Variants in SV2C observed in about 807,000 individuals in gnomAD.
SV2C encodes solute carrier family 22 member B3.
A neutral mutation model predicts 79.7 loss-of-function variants in SV2C; 49 were observed. The ratio of observed to expected loss-of-function variants is 0.61; its 90% CI spans 0.49 to 0.78. The LOEUF is 0.78. Among genes scored for constraint, SV2C ranks in the 30% least tolerant of loss-of-function variants. SV2C has a pLI of 0.00. For missense variants in SV2C, 833 were observed against 912.9 expected, an observed-to-expected ratio of 0.91 and a Z score of 1.13; for synonymous variants, 334 against 333.2, an observed-to-expected ratio of 1.00 and a Z score of -0.03.
chr5:76,116,541 C>T (rs1748273763), intron 1 of SV2C, among the ~76,000 whole-genome samples: 1 of 152,154 alleles, frequency 6.6e-6, no homozygotes, highest in Admixed American at 6.5e-5. Context: ...CAGGTCCTGG[C>T]TTTGTTTCTC....
the SV2C span, among the ~76,000 whole-genome samples, chr5:76,021,321 G>A: frequency 3.3e-5 from 5 of 152,178 alleles, no homozygotes; most frequent in Non-Finnish European, 7.3e-5. Context: ...AAACTTGAAT[G>A]TGTGCATTAT....
At chr5:76,073,540 T>TAA in the SV2C span, among the ~76,000 whole-genome samples, 9 of 120,280 alleles carry the variant, frequency 7.5e-5, no homozygotes, top group African/African-American at 3.0e-4. Flanking sequence ...TATATATATA[T>TAA]ATATACACCA....
chr5:75,911,130 G>A, the SV2C span: 1,414 of 1,563,186 alleles, frequency 9.0e-4, 28 homozygotes, highest in East Asian at 0.028. Flanking sequence ...TAGAAGATGA[G>A]GAAATAGAGA....
the SV2C span, among the ~76,000 whole-genome samples, chr5:76,056,455 T>C: frequency 6.6e-6 from 1 of 152,008 alleles, no homozygotes; most frequent in Non-Finnish European, 1.5e-5. Flanking sequence ...GAAGTTTTCT[T>C]TTTTGGTTGC....
intron 9 of SV2C, among the ~76,000 whole-genome samples, chr5:76,296,853 A>T (rs1490600828): frequency 6.6e-6 from 1 of 152,220 alleles, no homozygotes; most frequent in African/African-American, 2.4e-5. Flanking sequence ...ACTAATCATC[A>T]TCCAAGCCAA....
chr5:76,156,184 C>G (rs188873149), intron 2 of SV2C, among the ~76,000 whole-genome samples: 4 of 152,018 alleles, frequency 2.6e-5, no homozygotes, highest in Admixed American at 2.0e-4. Context: ...CAACATATAC[C>G]CATAGCAATC....
At chr5:75,853,586 C>G in the SV2C span, among the ~76,000 whole-genome samples, 19,665 of 54,438 alleles carry the variant, frequency 0.36, 2,592 homozygotes, top group East Asian at 0.51. Context: ...ACAGCCTGGG[C>G]AGCAGAGCAA....
At chr5:75,867,471 G>A in the SV2C span, among the ~76,000 whole-genome samples, 2 of 152,162 alleles carry the variant, frequency 1.3e-5, no homozygotes, top group African/African-American at 4.8e-5. Context: ...GAAAGGAGAA[G>A]GGGAAGAATC....
chr5:76,137,839 G>C (rs1749120016), intron 2 of SV2C, among the ~76,000 whole-genome samples: 1 of 152,152 alleles, frequency 6.6e-6, no homozygotes, highest in South Asian at 2.1e-4. Flanking sequence ...GTGGGAGTGG[G>C]GAGGAGGGTT....
chr5:75,997,368 C>T, the SV2C span, among the ~76,000 whole-genome samples: 43 of 150,680 alleles, frequency 2.9e-4, no homozygotes, highest in African/African-American at 7.0e-4. Context: ...AGAGCTTCTG[C>T]GCAGCAAAAA....
intron 12 of SV2C, among the ~76,000 whole-genome samples, chr5:76,349,381 C>T (rs772233389): frequency 6.6e-6 from 1 of 152,076 alleles, no homozygotes; most frequent in African/African-American, 2.4e-5. Flanking sequence ...GGCATGGTGA[C>T]GCGCACCTGT....
the SV2C span, among the ~76,000 whole-genome samples, chr5:76,013,977 T>C: frequency 6.6e-6 from 1 of 152,060 alleles, no homozygotes; most frequent in African/African-American, 2.4e-5. Flanking sequence ...CATATTTTAG[T>C]TATAGAGGCT....
At chr5:76,243,013 A>T (rs1432154568) in intron 4 of SV2C, among the ~76,000 whole-genome samples, 1 of 8,748 alleles carries the variant, frequency 1.1e-4, no homozygotes, top group Non-Finnish European at 1.8e-4. Flanking sequence ...GACCCCATCT[A>T]AAAAAAAAAA....
chr5:75,942,141 G>T, the SV2C span, among the ~76,000 whole-genome samples: 1 of 152,222 alleles, frequency 6.6e-6, no homozygotes, highest in Non-Finnish European at 1.5e-5. Context: ...TTATCCATGT[G>T]CTGGGAGGGT....
chr5:75,907,245 G>A, the SV2C span, among the ~76,000 whole-genome samples: 1 of 152,182 alleles, frequency 6.6e-6, no homozygotes, highest in African/African-American at 2.4e-5. Flanking sequence ...TTTAAGGACA[G>A]GTGGAGGAGC....
the SV2C span, among the ~76,000 whole-genome samples, chr5:75,854,093 C>T: frequency 6.6e-6 from 1 of 151,152 alleles, no homozygotes; most frequent in Non-Finnish European, 1.5e-5. Flanking sequence ...GTTTGATTCT[C>T]CTTTTAAAAA....
the SV2C span, among the ~76,000 whole-genome samples, chr5:76,024,091 AT>A: frequency 6.6e-6 from 1 of 152,064 alleles, no homozygotes; most frequent in Non-Finnish European, 1.5e-5. Context: ...GATTCAGGTT[AT>A]TTTCTGTTTT....
chr5:75,933,944 A>G, the SV2C span, among the ~76,000 whole-genome samples: 1 of 152,250 alleles, frequency 6.6e-6, no homozygotes, highest in Non-Finnish European at 1.5e-5. Context: ...CCTGTAAAAC[A>G]GGATCAAGAT....
chr5:75,955,093 C>T, the SV2C span, among the ~76,000 whole-genome samples: 1 of 147,302 alleles, frequency 6.8e-6, no homozygotes, highest in East Asian at 2.0e-4. Flanking sequence ...CCAAGTCAAT[C>T]CTAAGCCAAA....
Sources: gnomAD v4.1 joint callset for allele counts (sites outside exome capture counted in the v4.1 genomes callset) on GRCh38, gnomAD v4.1.1 for gene constraint, MANE v1.5 for transcripts, NCBI Gene and HGNC (gene_info 2026-07-23, HGNC 2026-07-21) for gene names.